Variants in MAN2A1 observed in about 807,000 individuals in gnomAD.
MAN2A1 encodes alpha-mannosidase 2.
MAN2A1 carries 76 observed loss-of-function variants against 142.6 expected under a neutral mutation model. The observed-to-expected ratio is 0.53, with a 90% CI of 0.44 to 0.65. The LOEUF (loss-of-function observed/expected upper bound fraction) is 0.65, where lower values mean the gene tolerates loss of function less well. MAN2A1 is among the 30% of genes least tolerant of loss of function. MAN2A1 has a pLI of 0.00. For synonymous variants in MAN2A1, 559 were observed against 473.2 expected (o/e 1.18, Z -2.35); for missense variants, 1,311 against 1,365.1 (o/e 0.96, Z 0.62).
intron 4 of MAN2A1, among the ~76,000 whole-genome samples, chr5:109,739,065 C>T (rs563931638): frequency 1.3e-5 from 2 of 152,074 alleles, no homozygotes. Context: ...TGGTCTTGAA[C>T]CCTTGGGCCC....
chr5:109,796,292 T>C (rs866514955), intron 12 of MAN2A1, among the ~76,000 whole-genome samples: 2 of 152,164 alleles, frequency 1.3e-5, no homozygotes, highest in Admixed American at 6.6e-5. Flanking sequence ...TTATCACATG[T>C]TTGGTTATGC....
intron 4 of MAN2A1, among the ~76,000 whole-genome samples, chr5:109,732,364 T>A (rs1218044823): frequency 6.6e-6 from 1 of 152,230 alleles, no homozygotes; most frequent in Non-Finnish European, 1.5e-5. Context: ...CTCTTTAATT[T>A]AATTAGATCC....
At position 109,767,622 on chromosome 5, in the gene MAN2A1, A is replaced by G; in HGVS notation, c.923A>G (p.His308Arg). The G allele has an allele frequency of 1.2e-6, 2 of 1,613,768 alleles. No individual in the cohort carries two copies. The highest frequency in any genetic ancestry group is 2.2e-5 in the South Asian group (2 of 91,070). The change falls in exon 6 of 22, where the codon CAC becomes CGC. Residue 308 changes from histidine to arginine, a missense_variant. By Grantham distance (29) the His-to-Arg change is conservative (BLOSUM62 0). This residue lies in a region of MAN2A1 where 409 missense variants were observed against 412.7 expected (regional missense o/e 0.99). Transcript: ENST00000261483. ...AYLLNRAGLSHMLIQRVHYAV... is the reference protein window; with the variant it reads ...AYLLNRAGLSRMLIQRVHYAV... ...CTTCTAAACCGTGCTGGACTTTCTCACATGCTTATCCAGAGAGTTCATTAT... is the reference window on the plus strand; with the variant it reads ...CTTCTAAACCGTGCTGGACTTTCTCGCATGCTTATCCAGAGAGTTCATTAT...
chr5:109,820,924 A>G (rs1027365352), intron 15 of MAN2A1, among the ~76,000 whole-genome samples: 1 of 152,224 alleles, frequency 6.6e-6, no homozygotes, highest in Non-Finnish European at 1.5e-5. Context: ...CTTTATATGT[A>G]TGCATTTTAT....
intron 12 of MAN2A1, among the ~76,000 whole-genome samples, chr5:109,797,915 TAG>T (rs965701390): frequency 6.6e-6 from 1 of 152,150 alleles, no homozygotes; most frequent in Non-Finnish European, 1.5e-5. Flanking sequence ...GTGAAGGTAG[TAG>T]AGAGACATTT....
chr5:109,764,714 A>T (rs1008082610), intron 5 of MAN2A1, among the ~76,000 whole-genome samples: 3 of 152,188 alleles, frequency 2.0e-5, no homozygotes, highest in Non-Finnish European at 4.4e-5. Context: ...ATTACCAGTG[A>T]TGTTATAATT....
chr5:109,774,275 T>G (rs926788282), intron 7 of MAN2A1, among the ~76,000 whole-genome samples: 5 of 152,176 alleles, frequency 3.3e-5, no homozygotes, highest in African/African-American at 1.2e-4. Context: ...CAGATTAACA[T>G]TTATTCCCTT....
intron 8 of MAN2A1, among the ~76,000 whole-genome samples, chr5:109,777,749 G>A (rs765497230): frequency 5.5e-4 from 83 of 152,082 alleles, no homozygotes; most frequent in Non-Finnish European, 8.2e-4. Flanking sequence ...TTGTGTGAGG[G>A]TAGGGATCAA....
chr5:109,723,888 A>G (rs1228045893), intron 3 of MAN2A1, among the ~76,000 whole-genome samples: 1 of 152,054 alleles, frequency 6.6e-6, no homozygotes, highest in Non-Finnish European at 1.5e-5. Flanking sequence ...GTAAGACTTT[A>G]CCATTTCTTT....
intron 1 of MAN2A1, among the ~76,000 whole-genome samples, chr5:109,700,325 A>G (rs1750941689): frequency 6.6e-6 from 1 of 151,286 alleles, no homozygotes; most frequent in Non-Finnish European, 1.5e-5. Context: ...TGTTTCCTCA[A>G]ACTGCCATGC....
chr5:109,855,060 A>T, intron 19 of MAN2A1, 80 bp from the exon 20 acceptor site: 1 of 644,366 alleles, frequency 1.6e-6, no homozygotes, highest in Non-Finnish European at 2.4e-6. Flanking sequence ...TTTTTATATT[A>T]AACCCTCTCA....
At chr5:109,826,658 C>T (rs763326994) in intron 16 of MAN2A1, among the ~76,000 whole-genome samples, 11 of 152,206 alleles carry the variant, frequency 7.2e-5, no homozygotes, top group Non-Finnish European at 1.5e-4. Flanking sequence ...CTCGGGTTGT[C>T]TCAATCCTGG....
chr5:109,732,696 G>A (rs1382260113), intron 4 of MAN2A1, among the ~76,000 whole-genome samples: 1 of 152,088 alleles, frequency 6.6e-6, no homozygotes, highest in African/African-American at 2.4e-5. Context: ...TATTTCTGAG[G>A]GCTGTGTTCT....
At chr5:109,710,711 A>AC (rs1213725726) in intron 1 of MAN2A1, among the ~76,000 whole-genome samples, 2 of 150,204 alleles carry the variant, frequency 1.3e-5, no homozygotes, top group Admixed American at 6.6e-5. Context: ...TTTTTTTGAG[A>AC]CCAAGTTTCG....
At position 109,789,522 on chromosome 5, in the gene MAN2A1, G is replaced by C. The variant is rs1485330890; in HGVS notation, c.1938G>C (p.Glu646Asp). Residue 646 changes from glutamate to aspartate, a missense_variant, in exon 12 of 22, where the codon GAG becomes GAC. Around this residue, in one of 3 missense-constraint regions of MAN2A1, gnomAD observed 890 missense variants for 920.5 expected, o/e 0.97. Transcript: ENST00000261483. ...PQKNIIRLSA[E>D]PRYLVVYNPL... ...AAAATATAATAAGGCTGAGTGCGGA[G>C]CCAAGGTAAATTCATAATTTCTTAC... The C allele has an allele frequency of 6.4e-7, 1 of 1,566,638 alleles. No individual in the cohort carries two copies. Among genetic ancestry groups the C allele is most frequent in the Admixed American group, 1.8e-5 (1 of 54,236 alleles).
intron 7 of MAN2A1, among the ~76,000 whole-genome samples, chr5:109,770,972 A>T (rs1753130995): frequency 6.6e-6 from 1 of 152,206 alleles, no homozygotes; most frequent in South Asian, 2.1e-4. Context: ...CCTTAATAAC[A>T]ATTTCAATAA....
At position 109,842,806 on chromosome 5, in the gene MAN2A1, G is replaced by GTTTTTTTTTTTTTTTTTTTTTTTTTTT. The variant is rs768238978; in HGVS notation, c.2700+362_2700+363insTTTTTTTTTTTTTTTTTTTTTTTTTTT. On this transcript the variant is annotated intron_variant, in intron 17 of 21. Transcript: ENST00000261483. Reference sequence around the variant, plus strand: ...GGGATTGATGGATTATACTTATTGGGTTTTTTTTTTTTTTTTTGAGAAAGA... The same window carrying GTTTTTTTTTTTTTTTTTTTTTTTTTTT: ...GGGATTGATGGATTATACTTATTGGGTTTTTTTTTTTTTTTTTTTTTTTTTTTTTTTTTTTTTTTTTTTTGAGAAAGA... Among the ~76,000 whole-genome samples the GTTTTTTTTTTTTTTTTTTTTTTTTTTT allele has an allele frequency of 3.2e-4, 37 of 116,160 alleles. 2 individuals carry two copies. Among genetic ancestry groups the GTTTTTTTTTTTTTTTTTTTTTTTTTTT allele is most frequent in the Non-Finnish European group, 4.5e-4 (26 of 57,760 alleles). The allele number at this position is 116,160 out of a possible 152,430, so 76.2% of individuals were successfully genotyped here.
intron 17 of MAN2A1, 58 bp downstream of exon 17, chr5:109,842,519 A>G: frequency 5.5e-6 from 6 of 1,090,170 alleles, no homozygotes; most frequent in Non-Finnish European, 7.7e-6. Context: ...ATTCTTATAT[A>G]TAACAATGGC....
intron 12 of MAN2A1, among the ~76,000 whole-genome samples, chr5:109,801,932 T>C (rs1158708358): frequency 6.6e-6 from 1 of 151,990 alleles, no homozygotes; most frequent in Non-Finnish European, 1.5e-5. Flanking sequence ...ATTAAGAAAA[T>C]AGAATATTTA....
Sources: allele counts gnomAD v4.1 joint callset (sites outside exome capture counted in the v4.1 genomes callset), GRCh38; gene constraint gnomAD v4.1.1; regional missense constraint gnomAD v4.1.1; transcripts MANE v1.5; gene names NCBI Gene and HGNC (gene_info 2026-07-23, HGNC 2026-07-21).